The following SOX6 variants were observed in gnomAD, a reference collection of about 807,000 sequenced individuals.
SOX6 encodes transcription factor SOX-6.
Under a neutral mutation model 97.8 loss-of-function variants are expected in SOX6, and 11 were observed. That is an observed-to-expected ratio of 0.11 (90% CI 0.07 to 0.19). The LOEUF is 0.19. Ranked by LOEUF, SOX6 falls within the 10% of genes least tolerant of loss-of-function variation. The pLI is 1.00. For missense variants in SOX6, 810 were observed against 1,039.5 expected (o/e 0.78, Z 3.04); for synonymous variants, 360 against 371.4 (o/e 0.97, Z 0.35).
chr11:16,325,398 G>T (rs191589784), intron 2 of SOX6, among the ~76,000 whole-genome samples: 236 of 152,200 alleles, frequency 1.6e-3, no homozygotes, highest in Non-Finnish European at 2.3e-3. Flanking sequence ...TGGTAAGACT[G>T]TTGGTAATTT....
rs532894652 is a variant in SOX6 at position 16,175,140 on chromosome 11, C to A, written c.777+8746G>T. Among the ~76,000 whole-genome samples the A allele has an allele frequency of 3.3e-5, 5 of 151,892 alleles. No individual in the cohort carries two copies. In the South Asian group the frequency reaches 1.0e-3, roughly 31 times the overall value. ...CACATTGATTATTCTATATTCACAT[C>A]ACTAATTTGTGGGTTCTAAATATGC... is the stretch of plus-strand genomic sequence containing the variant. On this transcript the variant is annotated intron_variant, in intron 6 of 15. Transcript: ENST00000683767.
chr11:16,695,925 T>C (rs966724510), intron 3 of SOX6, among the ~76,000 whole-genome samples: 2 of 152,108 alleles, frequency 1.3e-5, no homozygotes, highest in African/African-American at 4.8e-5. Flanking sequence ...GAGAATTGCT[T>C]GAACCTGGGA....
intron 3 of SOX6, among the ~76,000 whole-genome samples, chr11:16,697,563 T>C (rs1478186556): frequency 6.6e-6 from 1 of 152,144 alleles, no homozygotes; most frequent in Non-Finnish European, 1.5e-5. Flanking sequence ...GAAGCCGAGA[T>C]CGCTTCACTG....
At chr11:16,340,801 T>C (rs1406567728) in intron 2 of SOX6, among the ~76,000 whole-genome samples, 3 of 152,072 alleles carry the variant, frequency 2.0e-5, no homozygotes, top group East Asian at 1.9e-4. Context: ...TACTGGCACA[T>C]TGACCTAATA....
intron 9 of SOX6, 42 bp from the exon 10 acceptor site, chr11:16,055,943 G>T: frequency 6.2e-7 from 1 of 1,608,408 alleles, no homozygotes. Context: ...TTTAAATGCA[G>T]CTGAAATTGA....
chr11:16,401,153 TTAAC>T (rs1357843537), intron 1 of SOX6, among the ~76,000 whole-genome samples: 1 of 151,544 alleles, frequency 6.6e-6, no homozygotes, highest in East Asian at 1.9e-4. Flanking sequence ...AAAAGAACAG[TTAAC>T]TAACTTACTA....
Position 16,327,700 on chromosome 11 carries a change from C to CA in SOX6, c.238-9048dup, listed in dbSNP as rs777906784. Among the ~76,000 whole-genome samples the CA allele has an allele frequency of 9.9e-5, 15 of 152,182 alleles. No individual in the cohort carries two copies. In the South Asian group the frequency reaches 3.1e-3, roughly 32 times the overall value. On this transcript the variant is annotated intron_variant, in intron 2 of 15. Transcript: ENST00000683767. ...GGAATGTGGATGGTCAGCCATACTG[C>CA]AAGCAGAGGAGAACAGTGGGCTGGG...
At chr11:16,129,047 T>A (rs1329780696) in intron 6 of SOX6, among the ~76,000 whole-genome samples, 2 of 143,710 alleles carry the variant, frequency 1.4e-5, no homozygotes, top group East Asian at 2.3e-4. Flanking sequence ...TTTTTTTTTT[T>A]AGTAGAGATG....
chr11:16,658,503 T>A (rs941301204), intron 3 of SOX6, among the ~76,000 whole-genome samples: 2 of 152,100 alleles, frequency 1.3e-5, no homozygotes, highest in Non-Finnish European at 2.9e-5. Flanking sequence ...GGTCAGAAGA[T>A]CGAGACCATC....
chr11:16,124,225 A>C (rs1367800373), intron 6 of SOX6, among the ~76,000 whole-genome samples: 1 of 152,136 alleles, frequency 6.6e-6, no homozygotes, highest in Non-Finnish European at 1.5e-5. Flanking sequence ...AAGACCTGAC[A>C]CTATTGTAGG....
At position 16,428,156 on chromosome 11, in the gene SOX6, C is replaced by T. The variant is rs575538592; in HGVS notation, c.-5+48159G>A. On this transcript the variant is annotated intron_variant, in intron 1 of 15. Transcript: ENST00000396356. ...TTGAGAAGTGTCTGTTGATATCCTT[C>T]GCCCACTTTTTGATGGGGTTGTTTT... is the stretch of plus-strand genomic sequence containing the variant. Among the ~76,000 whole-genome samples the T allele has an allele frequency of 8.5e-3, 1,299 of 152,106 alleles. 5 individuals carry two copies. The highest frequency in any genetic ancestry group is 0.014 in the Non-Finnish European group (956 of 67,948).
intron 4 of SOX6, among the ~76,000 whole-genome samples, chr11:16,533,773 A>C (rs1861268795): frequency 6.6e-6 from 1 of 152,124 alleles, no homozygotes; most frequent in Non-Finnish European, 1.5e-5. Context: ...GGTGACAATA[A>C]ATTTGTGTCA....
intron 3 of SOX6, among the ~76,000 whole-genome samples, chr11:16,625,959 T>A (rs1200596677): frequency 2.0e-5 from 3 of 152,196 alleles, no homozygotes. Context: ...TTGTGGGAAC[T>A]TCTGATTTAC....
intron 2 of SOX6, among the ~76,000 whole-genome samples, chr11:16,327,101 C>T (rs2134317268): frequency 6.6e-6 from 1 of 152,218 alleles, no homozygotes. Context: ...CTAACTTAGC[C>T]TGGGAAATCA....
chr11:16,293,323 G>C (rs576851940), intron 3 of SOX6, among the ~76,000 whole-genome samples: 1 of 152,144 alleles, frequency 6.6e-6, no homozygotes, highest in Non-Finnish European at 1.5e-5. Flanking sequence ...ACTAGCTACA[G>C]TGATAAACAG....
At chr11:16,273,371 G>T (rs529422361) in intron 3 of SOX6, among the ~76,000 whole-genome samples, 1 of 152,036 alleles carries the variant, frequency 6.6e-6, no homozygotes, top group East Asian at 1.9e-4. Context: ...TAGGGAAAGT[G>T]AACCACAGGG....
intron 1 of SOX6, among the ~76,000 whole-genome samples, chr11:16,394,711 C>A (rs137895869): frequency 6.6e-6 from 1 of 151,736 alleles, no homozygotes; most frequent in African/African-American, 2.4e-5. Context: ...GGTCTCATGG[C>A]TTTTCTTTGC....
intron 1 of SOX6, among the ~76,000 whole-genome samples, chr11:16,400,837 T>C (rs1328222027): frequency 6.6e-6 from 1 of 151,658 alleles, no homozygotes; most frequent in Non-Finnish European, 1.5e-5. Context: ...GTAAATTTCA[T>C]TATGAAATAA....
At chr11:16,718,874 G>A (rs986699720) in intron 2 of SOX6, among the ~76,000 whole-genome samples, 61 of 151,362 alleles carry the variant, frequency 4.0e-4, no homozygotes, top group African/African-American at 1.4e-3. Context: ...GCTCATGCCT[G>A]TAATCCCAGC....
Sources: gnomAD v4.1 joint callset for allele counts (sites outside exome capture counted in the v4.1 genomes callset) on GRCh38, gnomAD v4.1.1 for gene constraint, MANE v1.5 for transcripts, NCBI Gene and HGNC (gene_info 2026-07-23, HGNC 2026-07-21) for gene names.